The following WLS variants were observed in gnomAD, a reference collection of about 807,000 sequenced individuals.
WLS encodes the protein protein wntless homolog.
WLS carries 23 observed loss-of-function variants against 62.8 expected under a neutral mutation model. The ratio of observed to expected loss-of-function variants is 0.37; its 90% CI spans 0.26 to 0.52. WLS has a LOEUF of 0.52. WLS is among the 20% of genes least tolerant of loss of function. The probability of loss-of-function intolerance (pLI) is 0.92; values close to 1 mark genes in which losing one functional copy is unlikely to be tolerated. For missense variants in WLS, 615 were observed against 697.3 expected (o/e 0.88, Z 1.33); for synonymous variants, 246 against 244.1 (o/e 1.01, Z -0.07).
At chr1:68,194,400 C>T (rs569304705) in intron 1 of WLS, among the ~76,000 whole-genome samples, 173 bp from the exon 2 acceptor site, 1 of 152,274 alleles carries the variant, frequency 6.6e-6, no homozygotes, top group African/African-American at 2.4e-5. Context: ...TCACTGACCT[C>T]CAGAGGTGTC....
chr1:68,231,972 C>T, intron 1 of WLS: 1 of 469,742 alleles, frequency 2.1e-6, no homozygotes, highest in East Asian at 4.9e-5. Context: ...CAAGTGGATA[C>T]TGAAACTAGG....
At position 68,116,763 on chromosome 1, in the gene WLS, A is replaced by C. The variant is rs568452506; in HGVS notation, c.1511-18010T>G. Among the ~76,000 whole-genome samples, 14 of 152,306 alleles carry C rather than the reference A, an allele frequency of 9.2e-5. No homozygotes were observed. In the South Asian group the frequency reaches 2.7e-3, roughly 29 times the overall value. Reference sequence around the variant, plus strand: ...GGTACTTAATAGGGGCTCTATAAACAGTTGTTGGGTGAATGAATCTATTTC... The same window carrying C: ...GGTACTTAATAGGGGCTCTATAAACCGTTGTTGGGTGAATGAATCTATTTC... On this transcript the variant is annotated intron_variant, in intron 11 of 11. Coordinates refer to the WLS transcript ENST00000354777.
intron 1 of WLS, among the ~76,000 whole-genome samples, chr1:68,203,981 T>C (rs1225833924): frequency 6.6e-6 from 1 of 152,148 alleles, no homozygotes; most frequent in Non-Finnish European, 1.5e-5. Flanking sequence ...AATGGAGAAA[T>C]TAAGGTCCAA....
At chr1:68,189,117 G>T (rs1245608672) in intron 2 of WLS, among the ~76,000 whole-genome samples, 2 of 152,138 alleles carry the variant, frequency 1.3e-5, no homozygotes, top group Non-Finnish European at 2.9e-5. Flanking sequence ...TCACCCCTCT[G>T]TCCAGCATCT....
At chr1:68,138,576 A>T (rs1050077390) in intron 10 of WLS, 12 of 152,232 alleles carry the variant, frequency 7.9e-5, no homozygotes, top group Non-Finnish European at 1.3e-4. Context: ...TAAGCCACTC[A>T]TGAAAATAAT....
intron 1 of WLS, among the ~76,000 whole-genome samples, chr1:68,215,907 G>T (rs1352381765): frequency 6.6e-6 from 1 of 152,142 alleles, no homozygotes; most frequent in Non-Finnish European, 1.5e-5. Context: ...CCTTCTTTAA[G>T]ATTTACCCTG....
chr1:68,115,193 T>C (rs1274446373), intron 11 of WLS, among the ~76,000 whole-genome samples: 1 of 152,182 alleles, frequency 6.6e-6, no homozygotes, highest in Non-Finnish European at 1.5e-5. Flanking sequence ...TTATGGCTGC[T>C]CCAGGCTGGC....
intron 1 of WLS, among the ~76,000 whole-genome samples, chr1:68,200,212 T>C (rs1648926210): frequency 6.6e-6 from 1 of 152,140 alleles, no homozygotes; most frequent in Non-Finnish European, 1.5e-5. Flanking sequence ...CAATACACAT[T>C]GATTTAAAAA....
At chr1:68,131,060 T>TC (rs1646512654) in intron 11 of WLS, among the ~76,000 whole-genome samples, 3 of 18,518 alleles carry the variant, frequency 1.6e-4, no homozygotes, top group African/African-American at 3.2e-4. Flanking sequence ...GCCCAGCTAA[T>TC]TTTGTGTGTG....
In WLS at chr1:68,153,547, A is replaced by T; in HGVS notation, c.773T>A (p.Met258Lys). 1 of 1,614,192 alleles carries T rather than the reference A, an allele frequency of 6.2e-7. No homozygotes were observed. The highest frequency in any genetic ancestry group is 8.5e-7 in the Non-Finnish European group (1 of 1,180,034). Residue 258 changes from methionine (M) to lysine (K), a missense_variant, in exon 5 of 12, where the codon ATG becomes AAG. Transcript: ENST00000262348. Reference protein sequence around the residue: ...IMVWYWRRITMMSRPPVLLEK... With the variant: ...IMVWYWRRITKMSRPPVLLEK... Reference sequence around the variant, plus strand: ...CAGAAGCACTGGGGGTCGGGACATCATGGTGATCCTCCTCCAATACCACAC... The same window carrying T: ...CAGAAGCACTGGGGGTCGGGACATCTTGGTGATCCTCCTCCAATACCACAC...
At chr1:68,211,043 AAAATAGGCAACCATCCAGCTAGGGG>A (rs1245096146) in intron 1 of WLS, among the ~76,000 whole-genome samples, 1 of 152,240 alleles carries the variant, frequency 6.6e-6, no homozygotes, top group Admixed American at 6.5e-5. Context: ...TTTTAAAAAG[AAAATAGGCAACCATCCAGCTAGGGG>A]ACAGTTAGAG....
In WLS at chr1:68,205,401, A is replaced by T. The variant is rs56963330; in HGVS notation, c.107-11174T>A. ...CAAACAAAACAATGGTAATTTTTTTAAAAAAAACTGCTCCCAAAGGGTTTG... is the reference window on the plus strand; with the variant it reads ...CAAACAAAACAATGGTAATTTTTTTTAAAAAAACTGCTCCCAAAGGGTTTG... On this transcript the variant is annotated intron_variant, in intron 1 of 11. Coordinates refer to ENST00000262348, the MANE Select transcript of WLS (RefSeq NM_024911.7). Among the ~76,000 whole-genome samples the T allele has an allele frequency of 8.4e-3, 1,279 of 151,544 alleles. 21 individuals carry two copies. Among genetic ancestry groups the T allele is most frequent in the African/African-American group, 0.029 (1,174 of 40,912 alleles).
intron 2 of WLS, among the ~76,000 whole-genome samples, chr1:68,170,730 G>C (rs936944752): frequency 1.3e-5 from 2 of 151,440 alleles, no homozygotes; most frequent in Non-Finnish European, 2.9e-5. Context: ...TGCTCCCACA[G>C]TACCTTGTTC....
chr1:68,124,816 C>T (rs1557456867), downstream of WLS, among the ~76,000 whole-genome samples: 1 of 152,188 alleles, frequency 6.6e-6, no homozygotes, highest in Non-Finnish European at 1.5e-5. Flanking sequence ...GTGCCCCAGA[C>T]CTCCAGACCT....
At chr1:68,114,343 G>A (rs1293111186) in intron 11 of WLS, among the ~76,000 whole-genome samples, 1 of 152,122 alleles carries the variant, frequency 6.6e-6, no homozygotes, top group Non-Finnish European at 1.5e-5. Flanking sequence ...ATGTCATTTG[G>A]AGAAATTTAG....
At chr1:68,231,366 C>A (rs2100679914) in intron 1 of WLS, among the ~76,000 whole-genome samples, 1 of 152,126 alleles carries the variant, frequency 6.6e-6, no homozygotes, top group East Asian at 1.9e-4. Flanking sequence ...GAGCTGAGGG[C>A]GCTCTCCTAA....
At chr1:68,146,343 A>G (rs756698070) in intron 8 of WLS, among the ~76,000 whole-genome samples, 1 of 152,184 alleles carries the variant, frequency 6.6e-6, no homozygotes, top group Non-Finnish European at 1.5e-5. Flanking sequence ...GGAGATCCGT[A>G]TACACAATAA....
chr1:68,133,043 A>AGGCAGT (rs1646549894), intron 11 of WLS, among the ~76,000 whole-genome samples: 2 of 150,022 alleles, frequency 1.3e-5, no homozygotes, highest in African/African-American at 4.9e-5. Flanking sequence ...TGTCATGAAA[A>AGGCAGT]GGCAGCAGCA....
At chr1:68,160,604 C>T (rs2772279) in intron 2 of WLS, among the ~76,000 whole-genome samples, 148,069 of 152,268 alleles carry the variant, frequency 0.97, 72,113 homozygotes, top group East Asian at 1. Context: ...TTACTTTTTA[C>T]TGAAAACTGC....
Sources: allele counts gnomAD v4.1 joint callset (sites outside exome capture counted in the v4.1 genomes callset), GRCh38; gene constraint gnomAD v4.1.1; transcripts MANE v1.5; gene names NCBI Gene and HGNC (gene_info 2026-07-23, HGNC 2026-07-21).